Variants in DLGAP2 observed in about 807,000 individuals in gnomAD.
DLGAP2 encodes the protein disks large-associated protein 2.
In DLGAP2, 26 loss-of-function variants were observed where a neutral mutation model predicts 100.3. The ratio of observed to expected loss-of-function variants is 0.26; its 90% CI spans 0.19 to 0.36. The LOEUF is 0.36. Among genes scored for constraint, DLGAP2 ranks in the 10% least tolerant of loss-of-function variants. The pLI is 1.00. For synonymous variants in DLGAP2, 886 were observed against 630.1 expected (o/e 1.41, Z -6.08); for missense variants, 1,858 against 1,453.2 (o/e 1.28, Z -4.53).
intron 1 of DLGAP2, among the ~76,000 whole-genome samples, chr8:803,897 G>C (rs776688387): frequency 1.3e-5 from 2 of 152,148 alleles, no homozygotes; most frequent in Non-Finnish European, 2.9e-5. Flanking sequence ...CATGCACTTA[G>C]GGCTTTCAAA....
At chr8:1,116,054 A>T (rs1805106070) in intron 2 of DLGAP2, among the ~76,000 whole-genome samples, 1 of 152,142 alleles carries the variant, frequency 6.6e-6, no homozygotes, top group Admixed American at 6.5e-5. Context: ...GTCACTTGGG[A>T]GGACTTTCCA....
intron 4 of DLGAP2, among the ~76,000 whole-genome samples, chr8:1,535,477 A>G (rs546651586): frequency 6.6e-6 from 1 of 152,280 alleles, no homozygotes; most frequent in East Asian, 1.9e-4. Flanking sequence ...GTCGACACAC[A>G]TGTTGTTCAT....
intron 2 of DLGAP2, among the ~76,000 whole-genome samples, chr8:1,171,572 T>A (rs1177075873): frequency 1.3e-5 from 2 of 152,142 alleles, no homozygotes; most frequent in Non-Finnish European, 2.9e-5. Context: ...TGCTCCTGTA[T>A]TGGGTGCATA....
chr8:1,314,505 C>G (rs1483806236), intron 3 of DLGAP2, among the ~76,000 whole-genome samples: 1 of 152,202 alleles, frequency 6.6e-6, no homozygotes, highest in African/African-American at 2.4e-5. Flanking sequence ...CAAAAAATAA[C>G]ACTTTTAACA....
intron 3 of DLGAP2, among the ~76,000 whole-genome samples, chr8:1,345,625 C>A (rs1215067729): frequency 6.6e-6 from 1 of 152,216 alleles, no homozygotes; most frequent in Non-Finnish European, 1.5e-5. Flanking sequence ...GTTAACACGT[C>A]TGATCAGTGC....
At chr8:1,389,324 C>T (rs887717132) in intron 3 of DLGAP2, among the ~76,000 whole-genome samples, 1 of 149,344 alleles carries the variant, frequency 6.7e-6, no homozygotes, top group African/African-American at 2.6e-5. Flanking sequence ...GACGTGGCTT[C>T]CTCCCAGTCA....
intron 1 of DLGAP2, among the ~76,000 whole-genome samples, chr8:850,733 A>C (rs1346529217): frequency 6.6e-6 from 1 of 152,192 alleles, no homozygotes; most frequent in African/African-American, 2.4e-5. Flanking sequence ...AAATGTTGCG[A>C]AACTATCTGG....
At chr8:1,550,688 T>A (rs1400642658) in intron 5 of DLGAP2, among the ~76,000 whole-genome samples, 1 of 152,158 alleles carries the variant, frequency 6.6e-6, no homozygotes, top group Non-Finnish European at 1.5e-5. Context: ...AGAAGGTAGA[T>A]CCCTAGAGCT....
chr8:1,604,090 C>T (rs1032787311), intron 6 of DLGAP2, among the ~76,000 whole-genome samples: 1 of 152,120 alleles, frequency 6.6e-6, no homozygotes. Flanking sequence ...CTTAAGTGAA[C>T]AGGCACAAAG....
At position 883,636 on chromosome 8, in the gene DLGAP2, C is replaced by T. The variant is rs548580197; in HGVS notation, c.19-24276C>T. On this transcript the variant is annotated intron_variant, in intron 1 of 14. Coordinates refer to ENST00000637795, the MANE Select transcript of DLGAP2 (RefSeq NM_001346810.2). ...GCCGCGGCGGTTCGTTACGTAGGAGCGCGGGTGCCGCGGCGGTTCGTTACG... is the reference window on the plus strand; with the variant it reads ...GCCGCGGCGGTTCGTTACGTAGGAGTGCGGGTGCCGCGGCGGTTCGTTACG... Among the ~76,000 whole-genome samples the T allele has an allele frequency of 8.8e-3, 1,329 of 150,320 alleles. 21 individuals are homozygous for T. The highest frequency in any genetic ancestry group is 0.031 in the African/African-American group (1,241 of 40,290).
intron 1 of DLGAP2, among the ~76,000 whole-genome samples, chr8:767,658 T>C (rs1821250694): frequency 6.6e-6 from 1 of 152,172 alleles, no homozygotes; most frequent in South Asian, 2.1e-4. Flanking sequence ...CCAGGACGGC[T>C]GTTTAATTGT....
At chr8:1,659,728 A>G (rs1331858121) in intron 8 of DLGAP2, among the ~76,000 whole-genome samples, 4 of 152,122 alleles carry the variant, frequency 2.6e-5, no homozygotes, top group Non-Finnish European at 4.4e-5. Context: ...CTTTGAGCCT[A>G]TGTGTGTCTT....
At chr8:947,962 G>A (rs1298391838) in intron 2 of DLGAP2, among the ~76,000 whole-genome samples, 21 of 118,732 alleles carry the variant, frequency 1.8e-4, no homozygotes, top group Admixed American at 9.7e-4. Flanking sequence ...GCCAGCCCGC[G>A]TGCGCCATGG....
At chr8:1,288,786 G>A (rs951678661) in intron 3 of DLGAP2, among the ~76,000 whole-genome samples, 2 of 151,400 alleles carry the variant, frequency 1.3e-5, no homozygotes, top group Non-Finnish European at 2.9e-5. Context: ...GTGTGTGTGT[G>A]TGGTTGTTAG....
chr8:1,574,244 G>A (rs35050794), intron 6 of DLGAP2, among the ~76,000 whole-genome samples: 2,067 of 152,268 alleles, frequency 0.014, 31 homozygotes, highest in Non-Finnish European at 0.02. Context: ...TGCGTCACCA[G>A]ATTTTAGTGT....
intron 3 of DLGAP2, among the ~76,000 whole-genome samples, chr8:1,325,877 T>C (rs1801010011): frequency 6.6e-6 from 1 of 152,180 alleles, no homozygotes; most frequent in Non-Finnish European, 1.5e-5. Flanking sequence ...CAGTCTTCTG[T>C]TTTGATCTCC....
At chr8:1,569,037 G>T (rs1802547024) in intron 6 of DLGAP2, among the ~76,000 whole-genome samples, 2 of 144,950 alleles carry the variant, frequency 1.4e-5, no homozygotes, top group Admixed American at 1.4e-4. Context: ...AATCCACTCT[G>T]CCTGCAGCCC....
intron 1 of DLGAP2, among the ~76,000 whole-genome samples, chr8:822,426 T>C (rs944053420): frequency 1.3e-5 from 2 of 152,180 alleles, no homozygotes; most frequent in Non-Finnish European, 2.9e-5. Flanking sequence ...GTCCACAGCT[T>C]CAGCTGGATG....
intron 6 of DLGAP2, among the ~76,000 whole-genome samples, chr8:1,615,554 C>G (rs1008842003): frequency 6.6e-6 from 1 of 151,874 alleles, no homozygotes; most frequent in African/African-American, 2.4e-5. Flanking sequence ...TTAGAACTCA[C>G]CGGAAAGATC....
Sources: gnomAD v4.1 joint callset for allele counts (sites outside exome capture counted in the v4.1 genomes callset) on GRCh38, gnomAD v4.1.1 for gene constraint, MANE v1.5 for transcripts, NCBI Gene and HGNC (gene_info 2026-07-23, HGNC 2026-07-21) for gene names.